CTNNA2: variants seen among roughly 807,000 people sequenced by gnomAD.
CTNNA2 encodes the protein catenin alpha-2.
A neutral mutation model predicts 101.0 loss-of-function variants in CTNNA2; 42 were observed. The ratio of observed to expected loss-of-function variants is 0.42; its 90% CI spans 0.32 to 0.54. CTNNA2 has a LOEUF of 0.54. Ranked by LOEUF, CTNNA2 falls within the 20% of genes least tolerant of loss-of-function variation. CTNNA2 has a pLI of 0.14. For synonymous variants in CTNNA2, 450 were observed against 456.4 expected, an observed-to-expected ratio of 0.99 and a Z score of 0.18; for missense variants, 871 against 1,223.1, an observed-to-expected ratio of 0.71 and a Z score of 4.29.
At chr2:79,568,917 C>CTAGCCACTG in intron 1 of CTNNA2, among the ~76,000 whole-genome samples, 1 of 148,174 alleles carries the variant, frequency 6.7e-6, no homozygotes, top group East Asian at 2.0e-4. Context: ...GCTCATAGTC[C>CTAGCCACTG]TAGCCACTGA....
intron 7 of CTNNA2, among the ~76,000 whole-genome samples, chr2:80,150,079 G>A (rs879733319): frequency 1.3e-5 from 2 of 152,126 alleles, no homozygotes; most frequent in Non-Finnish European, 2.9e-5. Context: ...GATTAGTATG[G>A]TCAAGTGATT....
At chr2:79,317,197 T>C (rs1271852988) in intron 3 of CTNNA2, among the ~76,000 whole-genome samples, 2 of 152,068 alleles carry the variant, frequency 1.3e-5, no homozygotes, top group African/African-American at 4.8e-5. Flanking sequence ...TCTACTGATG[T>C]GGTGCATTCC....
At chr2:79,472,687 C>T (rs1482101486) in intron 4 of CTNNA2, among the ~76,000 whole-genome samples, 2 of 152,160 alleles carry the variant, frequency 1.3e-5, no homozygotes, top group African/African-American at 4.8e-5. Context: ...CAATTGGCTG[C>T]ACCCTTACTG....
intron 1 of CTNNA2, among the ~76,000 whole-genome samples, chr2:79,524,187 C>G (rs1672271924): frequency 1.3e-5 from 2 of 151,922 alleles, no homozygotes; most frequent in Non-Finnish European, 1.5e-5. Flanking sequence ...GAAGTGACAA[C>G]TCTCAATTCA....
chr2:80,385,778 C>T (rs1169428200), intron 7 of CTNNA2, among the ~76,000 whole-genome samples: 3 of 151,988 alleles, frequency 2.0e-5, no homozygotes, highest in African/African-American at 7.3e-5. Context: ...TTTGTGGGGT[C>T]TATTTTTGGA....
intron 9 of CTNNA2, among the ~76,000 whole-genome samples, chr2:80,433,045 A>G (rs951549127): frequency 6.6e-6 from 1 of 152,108 alleles, no homozygotes; most frequent in South Asian, 2.1e-4. Context: ...CAAACTAAAA[A>G]TAGCCTGTGA....
chr2:79,669,078 C>T (rs1415877912), intron 2 of CTNNA2, among the ~76,000 whole-genome samples: 2 of 152,184 alleles, frequency 1.3e-5, no homozygotes, highest in African/African-American at 4.8e-5. Context: ...CTGACAAATA[C>T]TGATTCCAGT....
chr2:79,249,458 C>T (rs1330949982), intron 2 of CTNNA2, among the ~76,000 whole-genome samples: 2 of 152,194 alleles, frequency 1.3e-5, no homozygotes, highest in Non-Finnish European at 1.5e-5. Flanking sequence ...ACTCTAATGA[C>T]TGAGTCTTAT....
chr2:79,669,006 CT>C (rs1682640907), intron 2 of CTNNA2, among the ~76,000 whole-genome samples: 1 of 152,174 alleles, frequency 6.6e-6, no homozygotes, highest in Admixed American at 6.5e-5. Context: ...TCCCAGCAGG[CT>C]GGGTGAGGTG....
chr2:79,887,761 A>C (rs2104179516), intron 6 of CTNNA2, among the ~76,000 whole-genome samples: 1 of 152,272 alleles, frequency 6.6e-6, no homozygotes, highest in Non-Finnish European at 1.5e-5. Context: ...TCAGTAACTG[A>C]TGCTTAGTGG....
At chr2:80,370,519 C>A (rs1265030633) in intron 7 of CTNNA2, among the ~76,000 whole-genome samples, 1 of 152,028 alleles carries the variant, frequency 6.6e-6, no homozygotes, top group African/African-American at 2.4e-5. Flanking sequence ...TGACAACTAG[C>A]CAGAAGACTT....
intron 15 of CTNNA2, among the ~76,000 whole-genome samples, chr2:80,597,647 A>C (rs1481577583): frequency 1.3e-5 from 2 of 152,196 alleles, no homozygotes; most frequent in Admixed American, 6.5e-5. Flanking sequence ...CACCACCTTC[A>C]AAAAGTGGGC....
chr2:80,398,593 G>A (rs1276698034), intron 8 of CTNNA2, among the ~76,000 whole-genome samples: 1 of 151,730 alleles, frequency 6.6e-6, no homozygotes, highest in African/African-American at 2.4e-5. Flanking sequence ...GGTGGCTCAT[G>A]CCTGTAATCC....
At chr2:79,702,091 GCATGAATGGGGTACTCAAAGTCTTT>G (rs1168176008) in intron 2 of CTNNA2, among the ~76,000 whole-genome samples, 2 of 151,520 alleles carry the variant, frequency 1.3e-5, no homozygotes, top group African/African-American at 4.9e-5. Context: ...AATAAGCATG[GCATGAATGGGGTACTCAAAGTCTTT>G]CATTCTGTGG....
At chr2:79,524,216 G>A (rs186655848) in intron 1 of CTNNA2, among the ~76,000 whole-genome samples, 1 of 151,936 alleles carries the variant, frequency 6.6e-6, no homozygotes, top group African/African-American at 2.4e-5. Flanking sequence ...CCATTGGCAG[G>A]TCTCTTTATT....
chr2:80,143,139 C>T (rs1318444630), intron 7 of CTNNA2, among the ~76,000 whole-genome samples: 2 of 152,168 alleles, frequency 1.3e-5, no homozygotes, highest in Non-Finnish European at 2.9e-5. Context: ...GGTGCCAGTG[C>T]TGAATGGATG....
chr2:79,572,788 T>G (rs564017172), intron 1 of CTNNA2, among the ~76,000 whole-genome samples: 4 of 152,330 alleles, frequency 2.6e-5, no homozygotes, highest in African/African-American at 9.6e-5. Context: ...GTATATGATC[T>G]TACATTCCTT....
chr2:79,843,713 G>A (rs1051311592), intron 3 of CTNNA2, among the ~76,000 whole-genome samples: 1 of 152,176 alleles, frequency 6.6e-6, no homozygotes, highest in East Asian at 1.9e-4. Flanking sequence ...GCCACTTGCT[G>A]TTCAGAGTAG....
At chr2:80,544,848 GC>G in intron 9 of CTNNA2, 133 bp from the exon 10 acceptor site, 1 of 692,714 alleles carries the variant, frequency 1.4e-6, no homozygotes. Flanking sequence ...CTACATGAAG[GC>G]CAGGGTACCC....
Sources: allele counts gnomAD v4.1 joint callset (sites outside exome capture counted in the v4.1 genomes callset), GRCh38; gene constraint gnomAD v4.1.1; transcripts MANE v1.5; gene names NCBI Gene and HGNC (gene_info 2026-07-23, HGNC 2026-07-21).